Variants in MARCHF1 observed in about 807,000 individuals in gnomAD.
MARCHF1 encodes E3 ubiquitin-protein ligase MARCHF1.
In MARCHF1, 40 loss-of-function variants were observed where a neutral mutation model predicts 54.2. The ratio of observed to expected loss-of-function variants is 0.74; its 90% CI spans 0.57 to 0.96. MARCHF1 has a LOEUF of 0.96. MARCHF1 is among the 40% of genes least tolerant of loss of function. The pLI is 0.00. For synonymous variants in MARCHF1, 236 were observed against 236.3 expected, an observed-to-expected ratio of 1.00 and a Z score of 0.01; for missense variants, 586 against 656.5, an observed-to-expected ratio of 0.89 and a Z score of 1.17.
intron 2 of MARCHF1, among the ~76,000 whole-genome samples, chr4:164,107,531 T>A (rs1291008105): frequency 6.6e-6 from 1 of 152,054 alleles, no homozygotes; most frequent in African/African-American, 2.4e-5. Context: ...CTCTGCTTAT[T>A]TTTGTATTTT....
At chr4:163,806,264 C>T (rs1748221786) in intron 4 of MARCHF1, among the ~76,000 whole-genome samples, 1 of 152,166 alleles carries the variant, frequency 6.6e-6, no homozygotes, top group African/African-American at 2.4e-5. Flanking sequence ...CAGTTGGCTC[C>T]ACATTCTGGG....
intron 1 of MARCHF1, among the ~76,000 whole-genome samples, chr4:164,322,541 C>G (rs1735168262): frequency 1.3e-5 from 2 of 151,856 alleles, no homozygotes; most frequent in South Asian, 4.1e-4. Context: ...GTAATAATGA[C>G]TTAATTGTAC....
chr4:163,798,669 A>G (rs559103359), intron 4 of MARCHF1, among the ~76,000 whole-genome samples: 71 of 152,090 alleles, frequency 4.7e-4, no homozygotes, highest in Non-Finnish European at 9.0e-4. Context: ...AGAGAAAACA[A>G]AAGAGTTGAA....
Position 163,539,070 on chromosome 4 carries a change from G to C in MARCHF1, c.1339+6526C>G, listed in dbSNP as rs548690136. Reference sequence around the variant, plus strand: ...AGTCTTGCTTCTGTCACCCAAGCTGGAGTGCAGTGGTGCGATCTCAGCTCA... The same window carrying C: ...AGTCTTGCTTCTGTCACCCAAGCTGCAGTGCAGTGGTGCGATCTCAGCTCA... On this transcript the variant is annotated intron_variant, in intron 9 of 9. Transcript: ENST00000514618. Among the ~76,000 whole-genome samples, 4 of 151,878 alleles carry C rather than the reference G, an allele frequency of 2.6e-5. No individual in the cohort carries two copies. In the South Asian group the frequency reaches 8.4e-4, roughly 32 times the overall value.
At chr4:164,303,631 T>C (rs1734620796) in intron 1 of MARCHF1, among the ~76,000 whole-genome samples, 1 of 152,188 alleles carries the variant, frequency 6.6e-6, no homozygotes, top group Admixed American at 6.6e-5. Context: ...CATGCCATTA[T>C]TGTGTCACTT....
At chr4:163,904,791 A>AAGAG (rs377280705) in intron 3 of MARCHF1, among the ~76,000 whole-genome samples, 3,080 of 12,790 alleles carry the variant, frequency 0.24, 72 homozygotes, top group East Asian at 0.43. Flanking sequence ...CAGAGAGAGA[A>AAGAG]AGAGAGAGAG....
intron 4 of MARCHF1, among the ~76,000 whole-genome samples, chr4:163,744,851 T>C (rs1052719041): frequency 2.0e-5 from 3 of 152,070 alleles, no homozygotes; most frequent in African/African-American, 4.8e-5. Context: ...AGAAAATATA[T>C]TGACTAAAGA....
chr4:163,576,006 G>A (rs187666525), intron 8 of MARCHF1, among the ~76,000 whole-genome samples: 2 of 151,826 alleles, frequency 1.3e-5, no homozygotes, highest in East Asian at 3.9e-4. Flanking sequence ...TTGTTGCATT[G>A]ATTTTTTGTA....
rs1754790438 is a variant in MARCHF1, at chr4:164,068,854, G to A, written c.-248+42734C>T. On this transcript the variant is annotated intron_variant, in intron 2 of 9. Transcript: ENST00000514618. The stretch of plus-strand genomic sequence containing the variant: ...GGGACTTGGAGAATCTTTATGTCTA[G>A]TTAAGGGATTGTAAATACACCAATC... Among the ~76,000 whole-genome samples, 8 of 152,332 alleles carry A rather than the reference G, an allele frequency of 5.3e-5. No individual in the cohort carries two copies. The South Asian group carries it at 1.7e-3, about 32-fold the overall frequency.
chr4:164,176,262 T>C (rs955116363), intron 1 of MARCHF1, among the ~76,000 whole-genome samples: 16 of 152,192 alleles, frequency 1.1e-4, no homozygotes, highest in Non-Finnish European at 2.4e-4. Context: ...GATGTAATCA[T>C]TTTATACTTG....
chr4:163,985,201 GT>G (rs10713505), intron 3 of MARCHF1, among the ~76,000 whole-genome samples: 95,790 of 151,748 alleles, frequency 0.63, 30,425 homozygotes, highest in East Asian at 0.89. Flanking sequence ...AAGTGAAGTG[GT>G]TTGTAGTAAC....
chr4:163,603,932 C>A (rs1741060265), intron 7 of MARCHF1, among the ~76,000 whole-genome samples: 1 of 151,974 alleles, frequency 6.6e-6, no homozygotes, highest in African/African-American at 2.4e-5. Flanking sequence ...AAAACAAAAA[C>A]TAAAAAGGCC....
chr4:164,315,040 AAG>A (rs1377608763), intron 1 of MARCHF1, among the ~76,000 whole-genome samples: 2 of 152,138 alleles, frequency 1.3e-5, no homozygotes, highest in African/African-American at 4.8e-5. Context: ...CAAAACAGAG[AAG>A]AGTTATGCCA....
At chr4:163,767,369 C>CT (rs1261239428) in intron 4 of MARCHF1, among the ~76,000 whole-genome samples, 3 of 150,502 alleles carry the variant, frequency 2.0e-5, no homozygotes, top group South Asian at 4.2e-4. Flanking sequence ...GAGTCTCGCT[C>CT]GTCGCCCAGG....
intron 1 of MARCHF1, among the ~76,000 whole-genome samples, chr4:164,142,729 C>G (rs902434168): frequency 5.7e-4 from 87 of 152,286 alleles, no homozygotes; most frequent in African/African-American, 2.0e-3. Context: ...GGAAAAAACA[C>G]AGCAGAAAAA....
chr4:164,001,579 A>T (rs1005881130), intron 2 of MARCHF1, among the ~76,000 whole-genome samples: 1 of 151,904 alleles, frequency 6.6e-6, no homozygotes, highest in Non-Finnish European at 1.5e-5. Context: ...GGCAGCACAG[A>T]CACATGATTC....
chr4:164,191,862 T>C (rs778613357), intron 1 of MARCHF1, among the ~76,000 whole-genome samples: 2 of 152,188 alleles, frequency 1.3e-5, no homozygotes, highest in Non-Finnish European at 2.9e-5. Context: ...ATGATAAATA[T>C]TTAGTATATC....
rs568687507 is a variant in MARCHF1, at chr4:163,861,551, C to T, written c.-38-7382G>A. Among the ~76,000 whole-genome samples, 8 of 152,116 alleles carry T rather than the reference C, an allele frequency of 5.3e-5. No homozygotes were observed. In the South Asian group the frequency reaches 1.2e-3, roughly 24 times the overall value. On this transcript the variant is annotated intron_variant, in intron 3 of 9. Transcript: ENST00000514618. ...AATTTTACAGGATTTATATAAAAAA[C>T]TGTAAAACTGATTTAAAAATCAAAG...
At chr4:164,186,651 C>G (rs1006138729) in intron 1 of MARCHF1, among the ~76,000 whole-genome samples, 1 of 152,144 alleles carries the variant, frequency 6.6e-6, no homozygotes, top group Non-Finnish European at 1.5e-5. Flanking sequence ...TCTGTACTTT[C>G]TTAGTGACAG....
Sources: allele counts gnomAD v4.1 joint callset (sites outside exome capture counted in the v4.1 genomes callset), GRCh38; gene constraint gnomAD v4.1.1; transcripts MANE v1.5; gene names NCBI Gene and HGNC (gene_info 2026-07-23, HGNC 2026-07-21).